UBN2: variants seen among roughly 807,000 people sequenced by gnomAD.
The protein encoded by UBN2 is ubinuclein 2.
In UBN2, 35 loss-of-function variants were observed where a neutral mutation model predicts 120.2. The observed-to-expected ratio is 0.29, with a 90% confidence interval of 0.22 to 0.39. UBN2 has a LOEUF of 0.39. Among genes scored for constraint, UBN2 ranks in the 10% least tolerant of loss-of-function variants. UBN2 has a pLI of 1.00. For missense variants in UBN2, 1,693 were observed against 1,663.2 expected, an observed-to-expected ratio of 1.02 and a Z score of -0.31; for synonymous variants, 661 against 648.7, an observed-to-expected ratio of 1.02 and a Z score of -0.29.
chr7:139,319,173 C>T, the UBN2 span, among the ~76,000 whole-genome samples: 3 of 152,150 alleles, frequency 2.0e-5, no homozygotes, highest in African/African-American at 7.2e-5. Context: ...CCTCTTGCCT[C>T]CCGGGTTCAA....
chr7:139,323,847 C>T, the UBN2 span, among the ~76,000 whole-genome samples: 2 of 152,106 alleles, frequency 1.3e-5, no homozygotes, highest in African/African-American at 4.8e-5. Flanking sequence ...TGCAAGTTTT[C>T]GTAGATGCAA....
chr7:139,284,979 C>T (rs1439373723), intron 15 of UBN2, among the ~76,000 whole-genome samples: 1 of 152,104 alleles, frequency 6.6e-6, no homozygotes, highest in Non-Finnish European at 1.5e-5. Flanking sequence ...TTAGCTCTTC[C>T]CTTCCCTTTT....
rs1337760020 is a variant in UBN2, at chr7:139,266,512, C to G, written c.1466+109C>G. On this transcript the variant is annotated intron_variant, in intron 7 of 17. Coordinates refer to ENST00000473989, the MANE Select transcript of UBN2 (RefSeq NM_173569.4). ...CAAGTCTTGGGCATGAGTTCTTCCC[C>G]TTAAGCCTTACAGCATGTATGATTC... 3 of 587,872 alleles carry G rather than the reference C, an allele frequency of 5.1e-6. No individual in the cohort carries two copies. In the African/African-American group the frequency reaches 5.8e-5, roughly 11 times the overall value. 36.4% of individuals were successfully genotyped at this position (587,872 alleles called of 1,614,324 possible). A position where few individuals can be genotyped will look rare whatever the true frequency, so the allele number is the denominator to read the frequency against.
At chr7:139,289,441 C>A (rs1464170775) in intron 15 of UBN2, among the ~76,000 whole-genome samples, 8 of 120,826 alleles carry the variant, frequency 6.6e-5, no homozygotes, top group African/African-American at 3.0e-4. Context: ...GAGACAGGGT[C>A]TCACTCTGTT....
chr7:139,289,035 G>A (rs1482744522), intron 15 of UBN2, among the ~76,000 whole-genome samples: 1 of 151,422 alleles, frequency 6.6e-6, no homozygotes, highest in Non-Finnish European at 1.5e-5. Context: ...TGCCCACTAC[G>A]GGAAGAGCAA....
At chr7:139,329,203 T>C in the UBN2 span, among the ~76,000 whole-genome samples, 1 of 151,856 alleles carries the variant, frequency 6.6e-6, no homozygotes, top group Non-Finnish European at 1.5e-5. Flanking sequence ...TTTTTTTTTT[T>C]TCAAAAATAA....
chr7:139,315,188 G>A, the UBN2 span: 1 of 151,230 alleles, frequency 6.6e-6, no homozygotes, highest in Non-Finnish European at 1.5e-5. Flanking sequence ...TGTTAGCCAG[G>A]ATGGTCTCGA....
At chr7:139,279,737 G>T (rs995786016) in intron 13 of UBN2, among the ~76,000 whole-genome samples, 1 of 152,182 alleles carries the variant, frequency 6.6e-6, no homozygotes, top group African/African-American at 2.4e-5. Context: ...GAGGCATTTG[G>T]CACTTTCTAC....
rs1014818598 is a variant in UBN2 at position 139,307,257 on chromosome 7, G to C, written c.*9421G>C. The C allele has an allele frequency of 6.6e-6, 1 of 152,142 alleles. No individual in the cohort carries two copies. The highest frequency in any genetic ancestry group is 1.5e-5 in the Non-Finnish European group (1 of 68,026). The allele number at this position is 152,142 out of a possible 1,614,324, so 9.4% of individuals were successfully genotyped here. A position where few individuals can be genotyped will look rare whatever the true frequency, so the allele number is the denominator to read the frequency against. On this transcript the variant is annotated 3_prime_UTR_variant, in exon 18 of 18. Coordinates refer to ENST00000473989, the MANE Select transcript of UBN2 (RefSeq NM_173569.4). The stretch of plus-strand genomic sequence containing the variant: ...TTTGCTTATAGGGAGGTGTGTTTTT[G>C]CTAACTTGAAGGGATATACTGTATT...
At chr7:139,320,325 G>C in the UBN2 span, among the ~76,000 whole-genome samples, 1 of 151,880 alleles carries the variant, frequency 6.6e-6, no homozygotes, top group African/African-American at 2.4e-5. Context: ...AGCCCGGCGT[G>C]GTGGCAGGCA....
At chr7:139,291,442 G>C (rs1797956046) in intron 15 of UBN2, among the ~76,000 whole-genome samples, 1 of 151,468 alleles carries the variant, frequency 6.6e-6, no homozygotes, top group Non-Finnish European at 1.5e-5. Context: ...GGAAAATTTG[G>C]ATTTGGTAAA....
At chr7:139,252,230 A>G (rs1374009405) in intron 3 of UBN2, among the ~76,000 whole-genome samples, 173 bp downstream of exon 3, 1 of 151,280 alleles carries the variant, frequency 6.6e-6, no homozygotes, top group Non-Finnish European at 1.5e-5. Context: ...AGAATACTGC[A>G]GACTGAGAAT....
chr7:139,232,253 C>T (rs1796045682), intron 1 of UBN2, among the ~76,000 whole-genome samples: 1 of 152,258 alleles, frequency 6.6e-6, no homozygotes, highest in African/African-American at 2.4e-5. Flanking sequence ...TCCTTCTTTC[C>T]TTTCTGCTCC....
chr7:139,270,787 C>T (rs925219692), intron 8 of UBN2, among the ~76,000 whole-genome samples: 1 of 152,012 alleles, frequency 6.6e-6, no homozygotes, highest in Non-Finnish European at 1.5e-5. Context: ...TCCTGTTGCC[C>T]AGGCTGGAGT....
At chr7:139,250,377 C>T (rs1015147043) in intron 2 of UBN2, among the ~76,000 whole-genome samples, 7 of 151,922 alleles carry the variant, frequency 4.6e-5, no homozygotes, top group Admixed American at 2.0e-4. Context: ...AGACTACAGA[C>T]GCATGCCACC....
In UBN2 at chr7:139,269,510, A is replaced by G; in HGVS notation, c.1583A>G (p.His528Arg). 1.2e-6 allele frequency: 2 copies of G among 1,614,110 alleles called. No individual in the cohort carries two copies. Among genetic ancestry groups the G allele is most frequent in the Non-Finnish European group, 1.7e-6 (2 of 1,179,998 alleles). ...ETLVKRLKKLHLNVQDDRLRE... is the reference protein window; with the variant it reads ...ETLVKRLKKLRLNVQDDRLRE... ...CTAGTAAAACGTCTGAAGAAGTTACATCTCAATGTCCAGGTAAGAGGAAGA... is the reference window on the plus strand; with the variant it reads ...CTAGTAAAACGTCTGAAGAAGTTACGTCTCAATGTCCAGGTAAGAGGAAGA... Residue 528 changes from histidine to arginine, a missense_variant, in exon 8 of 18, where the codon CAT becomes CGT. This residue lies in a region of UBN2 where 178 missense variants were observed against 204.0 expected (regional missense o/e 0.87). Coordinates refer to ENST00000473989, the MANE Select transcript of UBN2 (RefSeq NM_173569.4).
chr7:139,257,201 A>G lies in UBN2; in HGVS notation c.664-1287A>G, dbSNP rs148085577. On this transcript the variant is annotated intron_variant, in intron 3 of 17. Transcript: ENST00000473989. The stretch of plus-strand genomic sequence containing the variant: ...TGTTTGCTTTTTAGCCATCTTTATC[A>G]GGTGAGGTAATGATAAACCTTGAGA... Among the ~76,000 whole-genome samples, 936 of 152,294 alleles carry G rather than the reference A, an allele frequency of 6.1e-3. 7 individuals are homozygous for G. The highest frequency in any genetic ancestry group is 0.021 in the African/African-American group (860 of 41,560).
chr7:139,272,878 T>C (rs768174878), intron 9 of UBN2, among the ~76,000 whole-genome samples: 2 of 152,226 alleles, frequency 1.3e-5, no homozygotes, highest in Non-Finnish European at 2.9e-5. Context: ...GACCTCATTC[T>C]CAAGTAGAAA....
chr7:139,234,130 C>G (rs1272062847), intron 1 of UBN2, among the ~76,000 whole-genome samples: 1 of 151,788 alleles, frequency 6.6e-6, no homozygotes, highest in African/African-American at 2.4e-5. Flanking sequence ...AGAAGAGAGA[C>G]CATCAAAAAG....
Sources: gnomAD v4.1 joint callset for allele counts (sites outside exome capture counted in the v4.1 genomes callset) on GRCh38, gnomAD v4.1.1 for gene constraint, gnomAD v4.1.1 regional missense constraint, MANE v1.5 for transcripts, NCBI Gene and HGNC (gene_info 2026-07-23, HGNC 2026-07-21) for gene names.